ARHGAP24: variants seen among roughly 807,000 people sequenced by gnomAD.
ARHGAP24 encodes Rho GTPase activating protein 24, also known as rho GTPase-activating protein 24.
ARHGAP24 carries 50 observed loss-of-function variants against 76.4 expected under a neutral mutation model. The ratio of observed to expected loss-of-function variants is 0.65; its 90% CI spans 0.52 to 0.83. The LOEUF (loss-of-function observed/expected upper bound fraction) is 0.83. Ranked by LOEUF, ARHGAP24 falls within the 40% of genes least tolerant of loss-of-function variation. ARHGAP24 has a pLI of 0.00. For missense variants in ARHGAP24, 930 were observed against 914.2 expected (o/e 1.02, Z -0.22); for synonymous variants, 345 against 323.3 (o/e 1.07, Z -0.72).
At chr4:85,998,153 A>T (rs1045809084) in intron 9 of ARHGAP24, among the ~76,000 whole-genome samples, 1 of 152,154 alleles carries the variant, frequency 6.6e-6, no homozygotes, top group Non-Finnish European at 1.5e-5. Flanking sequence ...TATATCAATA[A>T]TTTTTGAGAA....
intron 4 of ARHGAP24, among the ~76,000 whole-genome samples, chr4:85,931,514 G>A (rs72976253): frequency 0.028 from 4,304 of 152,154 alleles, 167 homozygotes; most frequent in African/African-American, 0.076. Context: ...CGAATTATTC[G>A]TGCTGACCCA....
chr4:85,593,461 T>C (rs1209636632), intron 2 of ARHGAP24, among the ~76,000 whole-genome samples: 2 of 152,194 alleles, frequency 1.3e-5, no homozygotes, highest in East Asian at 3.8e-4. Context: ...TTCAACTTGA[T>C]GTGACCCCAT....
At chr4:85,778,304 G>A (rs1727381343) in intron 3 of ARHGAP24, among the ~76,000 whole-genome samples, 1 of 152,208 alleles carries the variant, frequency 6.6e-6, no homozygotes, top group Non-Finnish European at 1.5e-5. Flanking sequence ...TGTTTTCTCT[G>A]AGACAGTTCT....
At chr4:85,873,434 C>T (rs114380308) in intron 3 of ARHGAP24, among the ~76,000 whole-genome samples, 1 of 152,066 alleles carries the variant, frequency 6.6e-6, no homozygotes, top group Non-Finnish European at 1.5e-5. Context: ...TTTTGTCATT[C>T]AGCAAATACT....
chr4:85,691,587 C>T (rs566981768), intron 2 of ARHGAP24, among the ~76,000 whole-genome samples: 24 of 152,230 alleles, frequency 1.6e-4, no homozygotes, highest in East Asian at 5.8e-4. Flanking sequence ...TTTATCATTA[C>T]GCGATGCCCT....
intron 3 of ARHGAP24, among the ~76,000 whole-genome samples, chr4:85,891,182 T>G (rs9307011): frequency 0.33 from 50,415 of 151,986 alleles, 8,747 homozygotes; most frequent in South Asian, 0.43. Flanking sequence ...TTATACTACA[T>G]TGGGACGAGA....
chr4:85,889,996 A>G (rs1733796312), intron 3 of ARHGAP24, among the ~76,000 whole-genome samples: 1 of 151,822 alleles, frequency 6.6e-6, no homozygotes, highest in Non-Finnish European at 1.5e-5. Flanking sequence ...AGGAGTTACA[A>G]TTTTCATTTT....
chr4:85,960,513 T>C lies in ARHGAP24; in HGVS notation c.600-11523T>C, dbSNP rs1024710256. 2.6e-5 allele frequency among the ~76,000 whole-genome samples: 4 copies of C among 152,294 alleles called. No individual in the cohort carries two copies. In the East Asian group the frequency reaches 5.8e-4, roughly 22 times the overall value. On this transcript the variant is annotated intron_variant, in intron 5 of 9. Transcript: ENST00000395184. ...CAAAGAAGGTGGAGGATTTTGTGAATCTTAATTATCTTTTTTATCTCTAAT... is the reference window on the plus strand; with the variant it reads ...CAAAGAAGGTGGAGGATTTTGTGAACCTTAATTATCTTTTTTATCTCTAAT...
intron 3 of ARHGAP24, among the ~76,000 whole-genome samples, chr4:85,732,593 A>G (rs548301088): frequency 1.6e-4 from 25 of 152,026 alleles, no homozygotes; most frequent in African/African-American, 5.5e-4. Flanking sequence ...TTTAAAATGG[A>G]CCTTATCTTT....
chr4:85,699,731 C>T (rs7677064), intron 2 of ARHGAP24, among the ~76,000 whole-genome samples: 106,174 of 151,772 alleles, frequency 0.7, 37,865 homozygotes, highest in Non-Finnish European at 0.79. Flanking sequence ...CTTTTCTGAA[C>T]AGTCATTATC....
intron 2 of ARHGAP24, among the ~76,000 whole-genome samples, chr4:85,649,482 A>C (rs962169773): frequency 1.3e-5 from 2 of 152,084 alleles, no homozygotes; most frequent in Non-Finnish European, 2.9e-5. Context: ...CCTACACCAC[A>C]GCCCCCTTCA....
At chr4:85,998,745 A>G (rs1740830272) in intron 9 of ARHGAP24, among the ~76,000 whole-genome samples, 1 of 152,184 alleles carries the variant, frequency 6.6e-6, no homozygotes, top group Non-Finnish European at 1.5e-5. Context: ...CCCCAGGCCC[A>G]TGATTGGAGA....
chr4:85,711,847 T>C (rs1724538106), intron 2 of ARHGAP24, among the ~76,000 whole-genome samples: 1 of 152,142 alleles, frequency 6.6e-6, no homozygotes, highest in Admixed American at 6.6e-5. Flanking sequence ...TAAAATAAGA[T>C]CTCAAATGAG....
At chr4:85,874,186 G>A (rs1447677555) in intron 3 of ARHGAP24, among the ~76,000 whole-genome samples, 2 of 152,144 alleles carry the variant, frequency 1.3e-5, no homozygotes, top group Non-Finnish European at 1.5e-5. Flanking sequence ...AAATCTTAGT[G>A]GGCATTGTCA....
chr4:85,812,004 C>T (rs1450096995), intron 3 of ARHGAP24, among the ~76,000 whole-genome samples: 3 of 151,858 alleles, frequency 2.0e-5, no homozygotes, highest in East Asian at 3.9e-4. Flanking sequence ...GGTGAAACCC[C>T]GTCTCTACTA....
rs1486490661 is a variant in ARHGAP24 at position 85,532,408 on chromosome 4, AT to A, written c.-20-38112del. ...ATTAACACAAATACTCATAGTGAGA[AT>A]TGTATAATTAATTTCTGAACATTAT... On this transcript the variant is annotated intron_variant, in intron 1 of 9. Transcript: ENST00000395184. 3.3e-5 allele frequency among the ~76,000 whole-genome samples: 5 copies of A among 152,260 alleles called. No individual in the cohort carries two copies. The East Asian group carries it at 9.7e-4, about 29-fold the overall frequency.
At chr4:85,556,087 G>C (rs1197630991) in intron 1 of ARHGAP24, among the ~76,000 whole-genome samples, 1 of 152,120 alleles carries the variant, frequency 6.6e-6, no homozygotes, top group Non-Finnish European at 1.5e-5. Flanking sequence ...TCAGCTGGTG[G>C]GTGGGGGTGA....
intron 3 of ARHGAP24, among the ~76,000 whole-genome samples, chr4:85,800,251 A>G (rs1229141692): frequency 2.0e-5 from 3 of 152,242 alleles, no homozygotes; most frequent in African/African-American, 7.2e-5. Flanking sequence ...AAATTATTTC[A>G]AAATTTGTAA....
intron 2 of ARHGAP24, among the ~76,000 whole-genome samples, chr4:85,645,325 G>A (rs541930626): frequency 6.6e-6 from 1 of 152,138 alleles, no homozygotes; most frequent in South Asian, 2.1e-4. Context: ...TAATCATGGT[G>A]GTTTGGTAAT....
Sources: allele counts gnomAD v4.1 joint callset (sites outside exome capture counted in the v4.1 genomes callset), GRCh38; gene constraint gnomAD v4.1.1; transcripts MANE v1.5; gene names NCBI Gene and HGNC (gene_info 2026-07-23, HGNC 2026-07-21).